PPARGC1A: variants seen among roughly 807,000 people sequenced by gnomAD.
PPARGC1A encodes the protein peroxisome proliferator-activated receptor gamma coactivator 1-alpha.
Under a neutral mutation model 88.7 loss-of-function variants are expected in PPARGC1A, and 25 were observed. That is an observed-to-expected ratio of 0.28 (90% CI 0.21 to 0.39). PPARGC1A has a LOEUF of 0.39. PPARGC1A is among the 10% of genes least tolerant of loss of function. PPARGC1A has a pLI of 1.00. For missense variants in PPARGC1A, 880 were observed against 968.7 expected (o/e 0.91, Z 1.22); for synonymous variants, 363 against 355.6 (o/e 1.02, Z -0.24).
At position 23,793,782 on chromosome 4, in the gene PPARGC1A, G is replaced by A. The variant is rs542372156; in HGVS notation, c.*2040C>T. On this transcript the variant is annotated 3_prime_UTR_variant, in exon 13 of 13. Transcript: ENST00000264867. The stretch of plus-strand genomic sequence containing the variant: ...GAACAACACCATGGTCACGTCAGAG[G>A]CCATGCTAGTGCAAGTAGAAACACT... 7.0e-4 allele frequency: 107 copies of A among 152,006 alleles called. No individual in the cohort carries two copies. Among genetic ancestry groups the A allele is most frequent in the African/African-American group, 2.5e-3 (103 of 41,538 alleles). 9.4% of individuals were successfully genotyped at this position (152,006 alleles called of 1,614,324 possible).
chr4:24,307,536 C>T, the PPARGC1A span, among the ~76,000 whole-genome samples: 1 of 152,112 alleles, frequency 6.6e-6, no homozygotes, highest in Non-Finnish European at 1.5e-5. Context: ...TCCTTGGCCT[C>T]AAGAAGCTTA....
chr4:24,118,178 G>A, the PPARGC1A span, among the ~76,000 whole-genome samples: 860 of 152,144 alleles, frequency 5.7e-3, 10 homozygotes, highest in African/African-American at 0.02. Context: ...CAGCCATAAC[G>A]TGCGGTCAAT....
the PPARGC1A span, among the ~76,000 whole-genome samples, chr4:24,362,158 C>T: frequency 6.6e-6 from 1 of 152,172 alleles, no homozygotes; most frequent in South Asian, 2.1e-4. Flanking sequence ...TGGGTTCATT[C>T]CCAGTGCCTG....
At chr4:24,415,121 T>G in the PPARGC1A span, among the ~76,000 whole-genome samples, 1 of 150,996 alleles carries the variant, frequency 6.6e-6, no homozygotes, top group Non-Finnish European at 1.5e-5. Flanking sequence ...ACTCCAGAGG[T>G]AGAGGTTGCA....
the PPARGC1A span, among the ~76,000 whole-genome samples, chr4:23,996,005 G>T: frequency 6.6e-6 from 1 of 152,160 alleles, no homozygotes. Context: ...TGCAAAGAAT[G>T]TCATCCTAGA....
chr4:24,388,475 T>C, the PPARGC1A span, among the ~76,000 whole-genome samples: 1 of 152,190 alleles, frequency 6.6e-6, no homozygotes, highest in Non-Finnish European at 1.5e-5. Context: ...ACTGGGTATA[T>C]ACCCAAAGGA....
the PPARGC1A span, among the ~76,000 whole-genome samples, chr4:23,917,497 G>T: frequency 6.7e-6 from 1 of 148,160 alleles, no homozygotes; most frequent in Non-Finnish European, 1.5e-5. Flanking sequence ...CTAATTTTTT[G>T]TATTTTTAGT....
At chr4:24,219,134 T>C in the PPARGC1A span, among the ~76,000 whole-genome samples, 1 of 152,148 alleles carries the variant, frequency 6.6e-6, no homozygotes, top group Non-Finnish European at 1.5e-5. Context: ...GAAAGGTGAG[T>C]ACACAGGATA....
chr4:23,901,137 G>A (rs543083897), upstream of PPARGC1A, among the ~76,000 whole-genome samples: 4 of 152,246 alleles, frequency 2.6e-5, no homozygotes, highest in South Asian at 8.3e-4. Context: ...GGAGGCCAAG[G>A]TGGGTGGATC....
the PPARGC1A span, among the ~76,000 whole-genome samples, chr4:24,030,808 A>T: frequency 6.6e-6 from 1 of 152,192 alleles, no homozygotes; most frequent in Non-Finnish European, 1.5e-5. Context: ...GGAAGAGAAA[A>T]GACGTCTTAA....
the PPARGC1A span, among the ~76,000 whole-genome samples, chr4:24,467,140 A>C: frequency 6.6e-6 from 1 of 151,854 alleles, no homozygotes; most frequent in African/African-American, 2.4e-5. Flanking sequence ...GGAAGGAAGG[A>C]AAGAAAAGCG....
upstream of PPARGC1A, chr4:23,890,120 G>A: frequency 1.5e-6 from 2 of 1,325,618 alleles, no homozygotes; most frequent in African/African-American, 2.9e-5. Flanking sequence ...AGTAGGCTGG[G>A]CTGTCACTCA....
the PPARGC1A span, among the ~76,000 whole-genome samples, chr4:24,305,690 T>C: frequency 1.3e-5 from 2 of 152,132 alleles, no homozygotes; most frequent in African/African-American, 4.8e-5. Context: ...CACATGTCTG[T>C]AATCCCAACT....
At chr4:24,328,312 T>C in the PPARGC1A span, among the ~76,000 whole-genome samples, 3 of 136,332 alleles carry the variant, frequency 2.2e-5, no homozygotes, top group Non-Finnish European at 3.0e-5. Context: ...GTAAACAGAG[T>C]AATTTGGGCT....
At chr4:24,455,471 G>C in the PPARGC1A span, among the ~76,000 whole-genome samples, 1 of 152,170 alleles carries the variant, frequency 6.6e-6, no homozygotes, top group African/African-American at 2.4e-5. Flanking sequence ...CATAGCAAAA[G>C]CAAGTCTCTG....
the PPARGC1A span, among the ~76,000 whole-genome samples, chr4:24,140,536 C>T: frequency 6.6e-6 from 1 of 152,156 alleles, no homozygotes; most frequent in African/African-American, 2.4e-5. Context: ...ATACACTCTG[C>T]CCTCAACTTA....
At chr4:24,206,073 G>A in the PPARGC1A span, among the ~76,000 whole-genome samples, 1 of 152,168 alleles carries the variant, frequency 6.6e-6, no homozygotes, top group Non-Finnish European at 1.5e-5. Flanking sequence ...AAGGTCAAGA[G>A]TTGAAGGTGA....
At chr4:24,333,446 C>T in the PPARGC1A span, among the ~76,000 whole-genome samples, 2 of 152,202 alleles carry the variant, frequency 1.3e-5, no homozygotes, top group African/African-American at 4.8e-5. Context: ...CAAAGTTTTT[C>T]CTAATCATTT....
At chr4:23,896,618 C>T (rs1718634783) in intron 1 of PPARGC1A, among the ~76,000 whole-genome samples, 1 of 152,140 alleles carries the variant, frequency 6.6e-6, no homozygotes, top group Non-Finnish European at 1.5e-5. Context: ...CACTAACCCC[C>T]AGACATGACT....
Sources: gnomAD v4.1 joint callset for allele counts (sites outside exome capture counted in the v4.1 genomes callset) on GRCh38, gnomAD v4.1.1 for gene constraint, MANE v1.5 for transcripts, NCBI Gene and HGNC (gene_info 2026-07-23, HGNC 2026-07-21) for gene names.